The following ROBO2 variants were observed in gnomAD, a reference collection of about 807,000 sequenced individuals.
ROBO2 encodes the protein roundabout guidance receptor 2, also known as roundabout homolog 2.
ROBO2 carries 53 observed loss-of-function variants against 160.8 expected under a neutral mutation model. The ratio of observed to expected loss-of-function variants is 0.33; its 90% CI spans 0.26 to 0.41. ROBO2 has a LOEUF of 0.41. Among genes scored for constraint, ROBO2 ranks in the 10% least tolerant of loss-of-function variants. ROBO2 has a pLI of 1.00. For missense variants in ROBO2, 1,577 were observed against 1,722.4 expected (o/e 0.92, Z 1.49); for synonymous variants, 664 against 611.7 (o/e 1.09, Z -1.26).
At chr3:76,628,454 G>C (rs1382601916) in intron 2 of ROBO2, among the ~76,000 whole-genome samples, 1 of 143,206 alleles carries the variant, frequency 7.0e-6, no homozygotes, top group Non-Finnish European at 1.5e-5. Context: ...TTTTTTTAGA[G>C]ATGGGGTCTT....
intron 2 of ROBO2, among the ~76,000 whole-genome samples, chr3:76,808,343 G>T (rs1276920517): frequency 6.6e-6 from 1 of 152,054 alleles, no homozygotes; most frequent in Non-Finnish European, 1.5e-5. Flanking sequence ...AGTTTCAATA[G>T]TAAATAAGTT....
At chr3:77,236,432 G>GGAAT (rs2087990459) in intron 2 of ROBO2, among the ~76,000 whole-genome samples, 1 of 152,132 alleles carries the variant, frequency 6.6e-6, no homozygotes, top group South Asian at 2.1e-4. Context: ...AAGAGAGGAG[G>GGAAT]GAATGATGAC....
At chr3:76,159,643 G>A (rs2072544645) in intron 2 of ROBO2, among the ~76,000 whole-genome samples, 1 of 152,074 alleles carries the variant, frequency 6.6e-6, no homozygotes, top group Admixed American at 6.6e-5. Flanking sequence ...GTTTTCTGCT[G>A]TCTTATATAT....
At chr3:76,863,347 T>C (rs535498302) in intron 2 of ROBO2, among the ~76,000 whole-genome samples, 1 of 151,402 alleles carries the variant, frequency 6.6e-6, no homozygotes, top group Non-Finnish European at 1.5e-5. Context: ...GTTGGTTTTT[T>C]AAAAATCAGA....
chr3:76,689,350 A>G (rs1309493568), intron 2 of ROBO2, among the ~76,000 whole-genome samples: 2 of 152,124 alleles, frequency 1.3e-5, no homozygotes, highest in Non-Finnish European at 2.9e-5. Context: ...ACACAGTTAA[A>G]CAGACAATTA....
intron 2 of ROBO2, among the ~76,000 whole-genome samples, chr3:76,443,216 C>T (rs1398173659): frequency 1.3e-5 from 2 of 152,068 alleles, no homozygotes; most frequent in African/African-American, 2.4e-5. Flanking sequence ...AAGACAGCAA[C>T]AAGCCATTCA....
At chr3:76,401,368 G>A (rs1576963292) in intron 2 of ROBO2, among the ~76,000 whole-genome samples, 2 of 151,492 alleles carry the variant, frequency 1.3e-5, no homozygotes, top group Admixed American at 1.3e-4. Flanking sequence ...GGTAAAGAAA[G>A]CTTGTGTTTA....
At chr3:76,383,174 T>G (rs1179484804) in intron 2 of ROBO2, among the ~76,000 whole-genome samples, 1 of 152,126 alleles carries the variant, frequency 6.6e-6, no homozygotes, top group Non-Finnish European at 1.5e-5. Flanking sequence ...AAAAGAGAAT[T>G]TTAACATAAT....
At chr3:76,013,484 G>A (rs561732604) in intron 2 of ROBO2, among the ~76,000 whole-genome samples, 21 of 150,510 alleles carry the variant, frequency 1.4e-4, no homozygotes, top group Non-Finnish European at 2.5e-4. Context: ...TGTAATCCCA[G>A]AAGTAATATG....
At position 77,052,602 on chromosome 3, in the gene ROBO2, A is replaced by G. The variant is rs1578550687; in HGVS notation, c.61+11756A>G. On this transcript the variant is annotated intron_variant, in intron 1 of 25. Coordinates refer to ENST00000461745, the Ensembl canonical transcript of ROBO2. ...AATTGCTAAAATGTCAATACCTGCA[A>G]TAGTCTTTTTTAAAAGCTAGTTTTT... 2.0e-5 allele frequency among the ~76,000 whole-genome samples: 3 copies of G among 152,334 alleles called. No individual in the cohort carries two copies. In the Middle Eastern group the frequency reaches 0.01, roughly 518 times the overall value.
Position 76,790,938 on chromosome 3 carries a change from G to T in ROBO2, c.110-307076G>T, listed in dbSNP as rs572211445. Among the ~76,000 whole-genome samples, 34 of 151,718 alleles carry T rather than the reference G, an allele frequency of 2.2e-4. 1 individual carries two copies. Among genetic ancestry groups the T allele is most frequent in the Admixed American group, 2.2e-3 (33 of 15,194 alleles). On this transcript the variant is annotated intron_variant, in intron 2 of 26. Transcript: ENST00000487694. ...TTTATTTTCTTCTTTAGTTAAATGG[G>T]AATGATAATAGTAGCTTCTACATAA... is the stretch of plus-strand genomic sequence containing the variant.
chr3:75,993,315 A>G (rs1018271053), intron 2 of ROBO2, among the ~76,000 whole-genome samples: 3 of 152,286 alleles, frequency 2.0e-5, no homozygotes, highest in Non-Finnish European at 2.9e-5. Context: ...TGTTCTCATA[A>G]TAGTGAATAA....
chr3:76,692,356 A>C (rs2092820694), intron 2 of ROBO2, among the ~76,000 whole-genome samples: 1 of 152,124 alleles, frequency 6.6e-6, no homozygotes, highest in Admixed American at 6.6e-5. Flanking sequence ...CCCAAGTATG[A>C]AACTCCCCAG....
At chr3:76,070,367 T>C (rs1029659279) in intron 2 of ROBO2, among the ~76,000 whole-genome samples, 7 of 152,088 alleles carry the variant, frequency 4.6e-5, no homozygotes, top group Non-Finnish European at 1.0e-4. Flanking sequence ...ATGTTCGACA[T>C]TGCAGAGATG....
intron 2 of ROBO2, among the ~76,000 whole-genome samples, chr3:76,220,682 T>C (rs934220232): frequency 6.6e-6 from 1 of 152,192 alleles, no homozygotes; most frequent in East Asian, 1.9e-4. Flanking sequence ...TTTAATCCTC[T>C]CCTGATATCC....
intron 2 of ROBO2, among the ~76,000 whole-genome samples, chr3:77,285,688 C>T (rs1580667653): frequency 1.3e-5 from 2 of 152,044 alleles, no homozygotes; most frequent in Admixed American, 6.6e-5. Flanking sequence ...TGTATCATTG[C>T]GCTATTCTCC....
intron 2 of ROBO2, among the ~76,000 whole-genome samples, chr3:76,964,589 C>G (rs1185990985): frequency 1.3e-5 from 2 of 152,146 alleles, no homozygotes; most frequent in Non-Finnish European, 2.9e-5. Context: ...AGGTGATCCA[C>G]CCTCCTCAGT....
At chr3:77,078,380 A>G (rs1578773317) in intron 1 of ROBO2, among the ~76,000 whole-genome samples, 1 of 152,210 alleles carries the variant, frequency 6.6e-6, no homozygotes, top group Admixed American at 6.5e-5. Context: ...TTTTCTTCTC[A>G]TAACAGGGGG....
intron 2 of ROBO2, among the ~76,000 whole-genome samples, chr3:76,500,233 C>T (rs2080386019): frequency 6.6e-6 from 1 of 152,078 alleles, no homozygotes; most frequent in Non-Finnish European, 1.5e-5. Flanking sequence ...ATCCTACTGC[C>T]TCAGCCTCCT....
Sources: gnomAD v4.1 joint callset for allele counts (sites outside exome capture counted in the v4.1 genomes callset) on GRCh38, gnomAD v4.1.1 for gene constraint, MANE v1.5 for transcripts, NCBI Gene and HGNC (gene_info 2026-07-23, HGNC 2026-07-21) for gene names.